Variants in EHMT1 observed in about 807,000 individuals in gnomAD.
EHMT1 encodes histone-lysine N-methyltransferase EHMT1.
Under a neutral mutation model 147.2 loss-of-function variants are expected in EHMT1, and 15 were observed. The observed-to-expected ratio is 0.10, with a 90% CI of 0.07 to 0.16. EHMT1 has a LOEUF of 0.16. EHMT1 is among the 10% of genes least tolerant of loss of function. The probability of loss-of-function intolerance (pLI) is 1.00; values close to 1 mark genes in which losing one functional copy is unlikely to be tolerated. For missense variants in EHMT1, 1,587 were observed against 1,772.4 expected (o/e 0.90, Z 1.88); for synonymous variants, 795 against 709.6 (o/e 1.12, Z -1.91).
At chr9:137,671,315 G>A (rs966446693) in intron 1 of EHMT1, among the ~76,000 whole-genome samples, 8 of 152,034 alleles carry the variant, frequency 5.3e-5, no homozygotes, top group Admixed American at 1.3e-4. Context: ...ATATAATAAA[G>A]TTTTTTTACA....
chr9:137,827,400 C>A (rs12555172), intron 25 of EHMT1, among the ~76,000 whole-genome samples: 24 of 152,200 alleles, frequency 1.6e-4, no homozygotes, highest in African/African-American at 5.5e-4. Context: ...GCCACGAACA[C>A]ACCAAAGCCT....
chr9:137,713,521 T>G (rs1301943945), intron 2 of EHMT1, among the ~76,000 whole-genome samples: 2 of 151,856 alleles, frequency 1.3e-5, no homozygotes, highest in African/African-American at 4.8e-5. Flanking sequence ...TCCACCCGCC[T>G]TGGCCTCCCA....
intron 4 of EHMT1, among the ~76,000 whole-genome samples, chr9:137,742,249 G>A (rs1455709105): frequency 1.3e-5 from 2 of 151,288 alleles, no homozygotes; most frequent in African/African-American, 4.9e-5. Flanking sequence ...ACTCGTTCAC[G>A]TCCCTCCAAC....
intron 9 of EHMT1, among the ~76,000 whole-genome samples, chr9:137,760,425 C>G (rs1468919739): frequency 6.6e-6 from 1 of 152,160 alleles, no homozygotes. Context: ...AGGATCATCT[C>G]AGAGACCCCC....
chr9:137,669,192 G>A (rs1049596637), intron 1 of EHMT1, among the ~76,000 whole-genome samples: 2 of 152,102 alleles, frequency 1.3e-5, no homozygotes, highest in Admixed American at 6.6e-5. Context: ...CGGCCTAGAA[G>A]TAGGTTCTTG....
chr9:137,811,604 C>T lies in EHMT1; in HGVS notation c.2856C>T (p.Tyr952=), dbSNP rs1435792854. 8.1e-6 allele frequency: 13 copies of T among 1,601,606 alleles called. No homozygotes were observed. Among genetic ancestry groups the T allele is most frequent in the Admixed American group, 6.7e-5 (4 of 60,008 alleles). ...ACATTGCCGCCCGGGAGAACCGCTA[C>T]GACTGTGTCGTGTGAGTGCAGTGCT... ...PLHIAARENR[Y]DCVVLFLSRD... The change falls in exon 19 of 27, where the codon TAC becomes TAT. Residue 952 remains tyrosine (Y), a synonymous_variant. Coordinates refer to ENST00000460843, the MANE Select transcript of EHMT1 (RefSeq NM_024757.5).
rs529972669 is a variant in EHMT1, at chr9:137,716,081, C to T, written c.86-545C>T. On this transcript the variant is annotated intron_variant, in intron 2 of 26. Coordinates refer to ENST00000460843, the MANE Select transcript of EHMT1 (RefSeq NM_024757.5). Reference sequence around the variant, plus strand: ...TGGTGGGGGGAGGAAATTGTGGTGTCGTGGTGGGGGAGGAAGTTGTGGTGG... The same window carrying T: ...TGGTGGGGGGAGGAAATTGTGGTGTTGTGGTGGGGGAGGAAGTTGTGGTGG... Among the ~76,000 whole-genome samples, 348 of 52,280 alleles carry T rather than the reference C, an allele frequency of 6.7e-3. 6 individuals carry two copies. Among genetic ancestry groups the T allele is most frequent in the African/African-American group, 0.028 (326 of 11,622 alleles). 34.3% of individuals were successfully genotyped at this position (52,280 alleles called of 152,430 possible).
intron 1 of EHMT1, among the ~76,000 whole-genome samples, chr9:137,704,386 A>C (rs1279593683): frequency 6.6e-6 from 1 of 152,184 alleles, no homozygotes; most frequent in African/African-American, 2.4e-5. Context: ...CCAAGACCGG[A>C]GGCTTGTGGC....
intron 1 of EHMT1, among the ~76,000 whole-genome samples, chr9:137,626,818 T>C (rs1257469811): frequency 1.3e-5 from 2 of 150,618 alleles, no homozygotes; most frequent in Admixed American, 6.7e-5. Context: ...AGAGTTTTGC[T>C]CTTGTTGCCC....
rs546944622 is a variant in EHMT1, at chr9:137,779,524, C to T, written c.2193-111C>T. 8 of 1,125,776 alleles carry T rather than the reference C, an allele frequency of 7.1e-6. No individual in the cohort carries two copies. The Admixed American group carries it at 7.6e-5, about 11-fold the overall frequency. The allele number at this position is 1,125,776 out of a possible 1,614,324, so 69.7% of individuals were successfully genotyped here. A position where few individuals can be genotyped will look rare whatever the true frequency, so the allele number is the denominator to read the frequency against. On this transcript the variant is annotated intron_variant, in intron 13 of 26. Coordinates refer to ENST00000460843, the MANE Select transcript of EHMT1 (RefSeq NM_024757.5). Reference sequence around the variant, plus strand: ...TCAGCTTCATGTGTGGGACGCGGAGCCCCATGAGCTTGAGGGGCTGGTGGG... The same window carrying T: ...TCAGCTTCATGTGTGGGACGCGGAGTCCCATGAGCTTGAGGGGCTGGTGGG...
At chr9:137,719,874 A>G (rs1447846210) in intron 3 of EHMT1, among the ~76,000 whole-genome samples, 8 of 133,400 alleles carry the variant, frequency 6.0e-5, no homozygotes, top group African/African-American at 2.3e-4. Context: ...ACACCAGGAC[A>G]CAGTCGAGGT....
chr9:137,809,852 C>G (rs112563207), intron 18 of EHMT1, among the ~76,000 whole-genome samples: 13,307 of 140,656 alleles, frequency 0.095, 2,283 homozygotes, highest in African/African-American at 0.39. Flanking sequence ...GAGGCGGTTC[C>G]GATGCCGCCC....
chr9:137,689,813 T>C (rs1330424719), intron 1 of EHMT1, among the ~76,000 whole-genome samples: 2 of 152,218 alleles, frequency 1.3e-5, no homozygotes, highest in Non-Finnish European at 2.9e-5. Context: ...ATAAGCTGCA[T>C]AGACATCTGG....
chr9:137,811,290 T>C (rs1588845819), intron 18 of EHMT1, among the ~76,000 whole-genome samples, 171 bp from the exon 19 acceptor site: 1 of 152,168 alleles, frequency 6.6e-6, no homozygotes, highest in African/African-American at 2.4e-5. Flanking sequence ...AGATGGGCGC[T>C]AGGTTCCCAT....
chr9:137,819,792 C>T (rs1955255944), intron 25 of EHMT1, among the ~76,000 whole-genome samples: 1 of 151,994 alleles, frequency 6.6e-6, no homozygotes. Context: ...CCAGCCCACC[C>T]AATCCCCACT....
intron 23 of EHMT1, 84 bp downstream of exon 23, chr9:137,816,146 C>G: frequency 7.7e-7 from 1 of 1,306,392 alleles, no homozygotes; most frequent in Non-Finnish European, 1.1e-6. Context: ...CAGACAAGAA[C>G]TTAACGTGTT....
Position 137,775,058 on chromosome 9 carries a change from T to A in EHMT1, c.1648-51T>A. On this transcript the variant is annotated intron_variant, in intron 10 of 26. Coordinates refer to ENST00000460843, the MANE Select transcript of EHMT1 (RefSeq NM_024757.5). The surrounding 1 kb of genome is among the most constrained non-coding windows in gnomAD (Gnocchi z 6.1). ...CTGCCCAGCGCCTGGTGGGAGGGAA[T>A]GCCGGCCTCTCGTGACTCTGACATT... The A allele has an allele frequency of 6.2e-7, 1 of 1,613,422 alleles. No homozygotes were observed. Among genetic ancestry groups the A allele is most frequent in the South Asian group, 1.1e-5 (1 of 91,026 alleles).
chr9:137,677,670 A>T (rs906565760), intron 1 of EHMT1, among the ~76,000 whole-genome samples: 2 of 152,126 alleles, frequency 1.3e-5, no homozygotes, highest in Admixed American at 1.3e-4. Flanking sequence ...GGGTACACAG[A>T]GTCAGCCACA....
At position 137,626,031 on chromosome 9, in the gene EHMT1, T is replaced by A. The variant is rs1327308896; in HGVS notation, c.21+6982T>A. On this transcript the variant is annotated intron_variant, in intron 1 of 26. Coordinates refer to ENST00000460843, the MANE Select transcript of EHMT1 (RefSeq NM_024757.5). ...CCACCAAGCCTGGCTAATTTTGTATTTTTTTTTTTTTTTTTAGTAGAGTTG... is the reference window on the plus strand; with the variant it reads ...CCACCAAGCCTGGCTAATTTTGTATATTTTTTTTTTTTTTTAGTAGAGTTG... Among the ~76,000 whole-genome samples, 4 of 142,336 alleles carry A rather than the reference T, an allele frequency of 2.8e-5. No homozygotes were observed. In the East Asian group the frequency reaches 8.2e-4, roughly 29 times the overall value. The allele number at this position is 142,336 out of a possible 152,430, so 93.4% of individuals were successfully genotyped here.
Sources: allele counts gnomAD v4.1 joint callset (sites outside exome capture counted in the v4.1 genomes callset), GRCh38; gene constraint gnomAD v4.1.1; non-coding constraint Gnocchi (gnomAD v3.1); transcripts MANE v1.5; gene names NCBI Gene and HGNC (gene_info 2026-07-23, HGNC 2026-07-21).